Variants in EPHA10 observed in about 807,000 individuals in gnomAD.
EPHA10 encodes the protein EPH receptor A10.
Under a neutral mutation model 109.7 loss-of-function variants are expected in EPHA10, and 120 were observed. The observed-to-expected ratio is 1.09, with a 90% CI of 0.94 to 1.27. EPHA10 has a LOEUF of 1.27. Ranked by LOEUF, EPHA10 falls within the 50% of genes most tolerant of loss-of-function variation. The pLI, the probability that EPHA10 is intolerant of heterozygous loss-of-function variation, is 0.00. For missense variants in EPHA10, 1,396 were observed against 1,411.1 expected, an observed-to-expected ratio of 0.99 and a Z score of 0.17; for synonymous variants, 640 against 618.9, an observed-to-expected ratio of 1.03 and a Z score of -0.51.
chr1:37,755,330 A>ACG (rs777371966), intron 3 of EPHA10, among the ~76,000 whole-genome samples: 2 of 144,146 alleles, frequency 1.4e-5, no homozygotes, highest in South Asian at 2.3e-4. Context: ...GCATACATGC[A>ACG]CACACACACA....
intron 5 of EPHA10, among the ~76,000 whole-genome samples, chr1:37,738,967 C>T (rs1417122084): frequency 6.6e-6 from 1 of 152,080 alleles, no homozygotes; most frequent in Admixed American, 6.5e-5. Context: ...CACTTGGACA[C>T]AGGGCAGGGA....
In EPHA10 at chr1:37,764,517, C is replaced by A. The variant is rs1387868085; in HGVS notation, c.106+444G>T. Among the ~76,000 whole-genome samples, 3 of 152,116 alleles carry A rather than the reference C, an allele frequency of 2.0e-5. No individual in the cohort carries two copies. In the South Asian group the frequency reaches 6.2e-4, roughly 31 times the overall value. ...GGGCAGCGCCCGGATCCAGCCCCCTCGACCAGCATTCCACCTTCTGTTGGC... is the reference window on the plus strand; with the variant it reads ...GGGCAGCGCCCGGATCCAGCCCCCTAGACCAGCATTCCACCTTCTGTTGGC... On this transcript the variant is annotated intron_variant, in intron 1 of 16. Transcript: ENST00000373048. The surrounding 1 kb of genome is among the most constrained non-coding windows in gnomAD (Gnocchi z 5.8).
intron 11 of EPHA10, among the ~76,000 whole-genome samples, chr1:37,721,263 A>C (rs974894598): frequency 9.3e-5 from 14 of 150,736 alleles, no homozygotes; most frequent in Admixed American, 2.6e-4. Context: ...ACTAAAAAAA[A>C]AAAAAAACAA....
chr1:37,716,580 C>T lies in EPHA10; in HGVS notation c.*1792G>A, dbSNP rs1345752482. On this transcript the variant is annotated 3_prime_UTR_variant, in exon 17 of 17. Coordinates refer to ENST00000373048, the MANE Select transcript of EPHA10 (RefSeq NM_001099439.2). Reference sequence around the variant, plus strand: ...GGGGGCTGGGGGGAGATTCCAAGAGCAGGGGAGCTGCTGCTGGCAGGGTAA... The same window carrying T: ...GGGGGCTGGGGGGAGATTCCAAGAGTAGGGGAGCTGCTGCTGGCAGGGTAA... 1.3e-5 allele frequency: 3 copies of T among 232,708 alleles called. No individual in the cohort carries two copies. The highest frequency in any genetic ancestry group is 2.5e-5 in the Non-Finnish European group (3 of 117,920). The allele number at this position is 232,708 out of a possible 1,614,324, so 14.4% of individuals were successfully genotyped here.
intron 1 of EPHA10, among the ~76,000 whole-genome samples, chr1:37,763,054 A>G (rs1359278018): frequency 6.6e-6 from 1 of 152,148 alleles, no homozygotes; most frequent in Non-Finnish European, 1.5e-5. Context: ...GTCAGTAGGG[A>G]AGGAGCTTGT....
chr1:37,727,238 A>C, intron 7 of EPHA10, 28 bp from the exon 8 acceptor site: 1 of 1,569,086 alleles, frequency 6.4e-7, no homozygotes, highest in Non-Finnish European at 8.7e-7. Context: ...AGGTTGAGGC[A>C]GGCAGAGGAC....
rs995059661 is a variant in EPHA10 at position 37,764,663 on chromosome 1, C to T, written c.106+298G>A. Among the ~76,000 whole-genome samples the T allele has an allele frequency of 6.6e-6, 1 of 152,146 alleles. No homozygotes were observed. Among genetic ancestry groups the T allele is most frequent in the African/African-American group, 2.4e-5 (1 of 41,434 alleles). The stretch of plus-strand genomic sequence containing the variant: ...TCCCCGCCCCCGCACCTCCCACCTC[C>T]AATCACTCAGCTTGTCCGTCTCACC... On this transcript the variant is annotated intron_variant, in intron 1 of 16. Coordinates refer to ENST00000373048, the MANE Select transcript of EPHA10 (RefSeq NM_001099439.2). The surrounding 1 kb of genome is among the most constrained non-coding windows in gnomAD (Gnocchi z 5.8).
intron 3 of EPHA10, among the ~76,000 whole-genome samples, chr1:37,758,473 T>C (rs145515201): frequency 1.8e-4 from 28 of 152,350 alleles, no homozygotes; most frequent in Admixed American, 1.8e-3. Context: ...ATCACTCAGC[T>C]GCAATTGCTC....
chr1:37,726,310 C>T (rs778110078), intron 8 of EPHA10, among the ~76,000 whole-genome samples: 12 of 152,222 alleles, frequency 7.9e-5, no homozygotes, highest in Non-Finnish European at 5.9e-5. Context: ...CCTAGACTAG[C>T]GAGACAGTGT....
Position 37,751,612 on chromosome 1 carries a change from G to A in EPHA10, c.1357+1264C>T, listed in dbSNP as rs563843769. Among the ~76,000 whole-genome samples, 14 of 150,038 alleles carry A rather than the reference G, an allele frequency of 9.3e-5. No homozygotes were observed. The East Asian group carries it at 2.6e-3, about 28-fold the overall frequency. ...TCTGGCTAGGCGCGCAGTGGCTCAC[G>A]TCTGTAATCCCAGCACTTTGGAAGC... On this transcript the variant is annotated intron_variant, in intron 5 of 16. Transcript: ENST00000373048.
chr1:37,719,759 T>G, intron 14 of EPHA10, 150 bp downstream of exon 14: 1 of 1,453,940 alleles, frequency 6.9e-7, no homozygotes, highest in Non-Finnish European at 9.4e-7. Context: ...CAAGGAAGCC[T>G]GGGGCAGTGG....
Position 37,761,528 on chromosome 1 carries a change from G to C in EPHA10, c.727C>G (p.His243Asp). 1.3e-6 allele frequency: 2 copies of C among 1,599,442 alleles called. No individual in the cohort carries two copies. Among genetic ancestry groups the C allele is most frequent in the Non-Finnish European group, 1.7e-6 (2 of 1,177,886 alleles). The change falls in exon 3 of 17, where the codon CAC (histidine) becomes GAC (aspartate). Residue 243 changes from histidine (H) to aspartate (D), a missense_variant. By Grantham distance (81) the His-to-Asp change is moderately conservative (BLOSUM62 -1). Coordinates refer to ENST00000373048, the MANE Select transcript of EPHA10 (RefSeq NM_001099439.2). ...GGGCTGCCAGGCTCCCCTTCCGAGT[G>C]CGCCACGCACGTTCCGGCCACTTCC... ...LVEVAGTCVA[H>D]SEGEPGSPPR...
Position 37,753,058 on chromosome 1 carries a change from C to A in EPHA10, c.1175G>T (p.Cys392Phe). The A allele has an allele frequency of 6.4e-6, 8 of 1,258,820 alleles. No individual in the cohort carries two copies. The highest frequency in any genetic ancestry group is 8.0e-6 in the Non-Finnish European group (8 of 1,004,092). 78.0% of individuals were successfully genotyped at this position (1,258,820 alleles called of 1,614,324 possible). A position where few individuals can be genotyped will look rare whatever the true frequency, so the allele number is the denominator to read the frequency against. The change falls in exon 5 of 17, where the codon TGC (cysteine) becomes TTC (phenylalanine). Residue 392 changes from cysteine (C) to phenylalanine (F), a missense_variant. Transcript: ENST00000373048. ...CGGTAGGAAGGCCACGCGCGGCCCGCACGGCTCGCAGGCGCCCGCCGGGCC... is the reference window on the plus strand; with the variant it reads ...CGGTAGGAAGGCCACGCGCGGCCCGAACGGCTCGCAGGCGCCCGCCGGGCC... ...REGPAGACEP[C>F]GPRVAFLPRQ...
intron 8 of EPHA10, among the ~76,000 whole-genome samples, chr1:37,725,219 G>T (rs1330443357): frequency 6.6e-6 from 1 of 152,082 alleles, no homozygotes; most frequent in Non-Finnish European, 1.5e-5. Flanking sequence ...AAGTATTGGG[G>T]TGAGGCCAGG....
chr1:37,743,191 A>T (rs1385783213), intron 5 of EPHA10, among the ~76,000 whole-genome samples: 1 of 152,134 alleles, frequency 6.6e-6, no homozygotes, highest in African/African-American at 2.4e-5. Context: ...ATATGAAAAA[A>T]TATTTCAGAA....
At position 37,725,558 on chromosome 1, in the gene EPHA10, G is replaced by A. The variant is rs541237915; in HGVS notation, c.1772+1544C>T. Among the ~76,000 whole-genome samples the A allele has an allele frequency of 1.9e-3, 283 of 151,360 alleles. 1 individual carries two copies. The highest frequency in any genetic ancestry group is 6.7e-3 in the African/African-American group (275 of 41,132). ...AGTAACGAGGTGAAGCATTCTAGGA[G>A]GATGGCCAGGAGGAACAGAAGAGAT... On this transcript the variant is annotated intron_variant, in intron 8 of 16. Transcript: ENST00000373048.
At chr1:37,753,707 TGAGTGGGAGCAGG>T (rs1557557177) in intron 4 of EPHA10, among the ~76,000 whole-genome samples, 2 of 12,940 alleles carry the variant, frequency 1.5e-4, no homozygotes, top group Non-Finnish European at 4.0e-4. Context: ...GGAGCAGGGG[TGAGTGGGAGCAGG>T]GGCGAGCGGG....
intron 5 of EPHA10, among the ~76,000 whole-genome samples, chr1:37,740,015 G>A (rs904235023): frequency 6.6e-6 from 1 of 151,982 alleles, no homozygotes; most frequent in Non-Finnish European, 1.5e-5. Flanking sequence ...GCTTGCCCAA[G>A]ACCAGAAGGT....
chr1:37,751,218 G>GAA (rs1216876477), intron 5 of EPHA10, among the ~76,000 whole-genome samples: 2 of 96,284 alleles, frequency 2.1e-5, no homozygotes, highest in Admixed American at 1.2e-4. Context: ...AAAAAAAAAA[G>GAA]AAAGAAAGAA....
Sources: allele counts gnomAD v4.1 joint callset (sites outside exome capture counted in the v4.1 genomes callset), GRCh38; gene constraint gnomAD v4.1.1; non-coding constraint Gnocchi (gnomAD v3.1); transcripts MANE v1.5; gene names NCBI Gene and HGNC (gene_info 2026-07-23, HGNC 2026-07-21).